Variants in DGKB observed in about 807,000 individuals in gnomAD.
The protein encoded by DGKB is 90 kDa diacylglycerol kinase.
Under a neutral mutation model 114.3 loss-of-function variants are expected in DGKB, and 67 were observed. That is an observed-to-expected ratio of 0.59 (90% CI 0.48 to 0.72). The LOEUF is 0.72. DGKB is among the 30% of genes least tolerant of loss of function. The pLI, the probability that DGKB is intolerant of heterozygous loss-of-function variation, is 0.00. For synonymous variants in DGKB, 398 were observed against 323.1 expected (o/e 1.23, Z -2.49); for missense variants, 907 against 975.2 (o/e 0.93, Z 0.93).
chr7:14,606,813 CTTACCTG>C lies in DGKB; in HGVS notation c.1433+614_1433+620del, dbSNP rs1162178452. Among the ~76,000 whole-genome samples the C allele has an allele frequency of 2.0e-5, 3 of 152,036 alleles. No homozygotes were observed. The East Asian group carries it at 5.8e-4, about 29-fold the overall frequency. On this transcript the variant is annotated intron_variant, in intron 17 of 25. Transcript: ENST00000402815. ...ATGTTAAAAATTTATTTTACTAGAT[CTTACCTG>C]TTAACAATGAAGTATAAGAGAGTGA...
At chr7:14,226,178 C>G (rs1790775297) in intron 23 of DGKB, among the ~76,000 whole-genome samples, 1 of 151,990 alleles carries the variant, frequency 6.6e-6, no homozygotes, top group East Asian at 1.9e-4. Context: ...CACACAGAGA[C>G]AGAAGCCTAT....
At position 14,182,145 on chromosome 7, in the gene DGKB, A is replaced by G. The variant is rs146602527; in HGVS notation, c.2123-3994T>C. Among the ~76,000 whole-genome samples the G allele has an allele frequency of 5.9e-3, 904 of 152,282 alleles. 7 individuals are homozygous for G. The highest frequency in any genetic ancestry group is 0.021 in the African/African-American group (858 of 41,572). ...TGTTACAATATTTCCTACTTTAAGAAAAGATAATACGTTTTAATTATCCAC... is the reference window on the plus strand; with the variant it reads ...TGTTACAATATTTCCTACTTTAAGAGAAGATAATACGTTTTAATTATCCAC... On this transcript the variant is annotated intron_variant, in intron 23 of 25. Transcript: ENST00000402815.
intron 22 of DGKB, among the ~76,000 whole-genome samples, chr7:14,344,151 GTAA>G (rs1812092588): frequency 6.6e-6 from 1 of 150,830 alleles, no homozygotes; most frequent in Non-Finnish European, 1.5e-5. Flanking sequence ...ATCCTAAATA[GTAA>G]TAACAGAAAG....
At chr7:14,573,603 G>A (rs1798699937) in intron 20 of DGKB, among the ~76,000 whole-genome samples, 1 of 150,222 alleles carries the variant, frequency 6.7e-6, no homozygotes, top group Non-Finnish European at 1.5e-5. Context: ...ATAATCATTG[G>A]CTAAAAATAT....
chr7:14,515,699 C>T (rs989202268), intron 20 of DGKB, among the ~76,000 whole-genome samples: 2 of 152,148 alleles, frequency 1.3e-5, no homozygotes, highest in Admixed American at 1.3e-4. Context: ...TCTTTGTCAT[C>T]TAGAAATAGA....
chr7:14,913,681 G>T (rs1011712565), intron 1 of DGKB, among the ~76,000 whole-genome samples: 14 of 151,782 alleles, frequency 9.2e-5, no homozygotes, highest in African/African-American at 3.4e-4. Flanking sequence ...TTTTTCCTGG[G>T]GTAGTTGACA....
chr7:14,581,038 T>C, intron 18 of DGKB, 87 bp from the exon 19 acceptor site: 2 of 845,254 alleles, frequency 2.4e-6, no homozygotes, highest in Non-Finnish European at 3.6e-6. Context: ...TGACATTAAA[T>C]GAAGGAATTC....
intron 21 of DGKB, among the ~76,000 whole-genome samples, chr7:14,372,299 T>C (rs1051165392): frequency 1.3e-5 from 2 of 152,202 alleles, no homozygotes; most frequent in Non-Finnish European, 2.9e-5. Flanking sequence ...GGTTGATTCC[T>C]TTTTTCCTTC....
At chr7:14,259,785 G>T (rs192614160) in intron 23 of DGKB, among the ~76,000 whole-genome samples, 1 of 152,030 alleles carries the variant, frequency 6.6e-6, no homozygotes, top group African/African-American at 2.4e-5. Context: ...TATAGATCAC[G>T]GGTGGTGCCC....
intron 23 of DGKB, among the ~76,000 whole-genome samples, chr7:14,183,799 C>T (rs1003336359): frequency 1.7e-4 from 26 of 152,124 alleles, no homozygotes; most frequent in African/African-American, 5.1e-4. Flanking sequence ...ATCATCATGG[C>T]GGACAGGAGG....
chr7:14,516,308 A>C (rs1743235851), intron 20 of DGKB, among the ~76,000 whole-genome samples: 1 of 152,210 alleles, frequency 6.6e-6, no homozygotes, highest in African/African-American at 2.4e-5. Context: ...AAGACAAAAA[A>C]TATGTCTATA....
intron 21 of DGKB, among the ~76,000 whole-genome samples, chr7:14,475,412 G>A (rs1217992157): frequency 6.6e-6 from 1 of 152,068 alleles, no homozygotes; most frequent in East Asian, 1.9e-4. Flanking sequence ...TATGGTTTAG[G>A]GAATTGCCTA....
At chr7:14,822,046 C>T (rs766652600) in intron 2 of DGKB, among the ~76,000 whole-genome samples, 1 of 152,036 alleles carries the variant, frequency 6.6e-6, no homozygotes, top group Non-Finnish European at 1.5e-5. Flanking sequence ...ATTAAAAATG[C>T]AATAGCCTAA....
chr7:14,211,391 CAT>C (rs1173636956), intron 23 of DGKB, among the ~76,000 whole-genome samples: 15 of 92,910 alleles, frequency 1.6e-4, no homozygotes, highest in Non-Finnish European at 1.8e-4. Flanking sequence ...ATTTTACTCT[CAT>C]GTTTTGTGAT....
In DGKB at chr7:14,931,422, T is replaced by A. The variant is rs568154412; in HGVS notation, c.-188+43274A>T. ...ACCGTGCCCAGCAGTTTGCTAGTAT[T>A]TTAAAAGCATCTATGTATCTATGTT... On this transcript the variant is annotated intron_variant, in intron 1 of 4. Transcript: ENST00000437998. Among the ~76,000 whole-genome samples the A allele has an allele frequency of 3.9e-5, 6 of 152,332 alleles. No individual in the cohort carries two copies. In the South Asian group the frequency reaches 1.2e-3, roughly 32 times the overall value.
intron 2 of DGKB, among the ~76,000 whole-genome samples, chr7:14,802,318 T>A (rs1012164305): frequency 4.6e-5 from 7 of 152,128 alleles, no homozygotes; most frequent in African/African-American, 9.7e-5. Context: ...CTTATTAATT[T>A]TACAAAAGCA....
chr7:14,313,386 C>T (rs969086057), intron 23 of DGKB, among the ~76,000 whole-genome samples: 2 of 152,012 alleles, frequency 1.3e-5, no homozygotes, highest in Admixed American at 6.6e-5. Context: ...TAGGGAGCGC[C>T]AGACAGTGGG....
intron 6 of DGKB, among the ~76,000 whole-genome samples, chr7:14,704,055 T>C (rs866467464): frequency 2.3e-4 from 35 of 149,942 alleles, no homozygotes; most frequent in African/African-American, 7.4e-4. Flanking sequence ...TCCTCCCCCA[T>C]CATTATTTTT....
intron 1 of DGKB, among the ~76,000 whole-genome samples, chr7:14,852,487 C>CAAAAAAAACAAAAAAAAAAAAA (rs1554304219): frequency 1.6e-5 from 1 of 63,636 alleles, no homozygotes; most frequent in Non-Finnish European, 3.0e-5. Flanking sequence ...TAGTGAAAGT[C>CAAAAAAAACAAAAAAAAAAAAA]AAAAAAAAAA....
Sources: allele counts gnomAD v4.1 joint callset (sites outside exome capture counted in the v4.1 genomes callset), GRCh38; gene constraint gnomAD v4.1.1; transcripts MANE v1.5; gene names NCBI Gene and HGNC (gene_info 2026-07-23, HGNC 2026-07-21).